TSKS: variants seen among roughly 807,000 people sequenced by gnomAD.
TSKS encodes the protein testis specific serine kinase substrate, also known as testis-specific serine kinase substrate.
TSKS carries 27 observed loss-of-function variants against 68.0 expected under a neutral mutation model. The ratio of observed to expected loss-of-function variants is 0.40; its 90% CI spans 0.29 to 0.55. TSKS has a LOEUF of 0.55. Among genes scored for constraint, TSKS ranks in the 20% least tolerant of loss-of-function variants. The pLI, the probability that TSKS is intolerant of heterozygous loss-of-function variation, is 0.53. For missense variants in TSKS, 806 were observed against 776.0 expected (o/e 1.04, Z -0.46); for synonymous variants, 331 against 340.4 (o/e 0.97, Z 0.30).
chr19:49,747,572 C>A (rs556838223), intron 4 of TSKS, 100 bp from the exon 5 acceptor site: 28 of 1,191,266 alleles, frequency 2.4e-5, no homozygotes, highest in Non-Finnish European at 3.1e-5. Flanking sequence ...GCCTCCTAGC[C>A]CCCCAGTACA....
chr19:49,749,785 G>A (rs1350691257), intron 2 of TSKS, among the ~76,000 whole-genome samples: 1 of 151,950 alleles, frequency 6.6e-6, no homozygotes, highest in African/African-American at 2.4e-5. Flanking sequence ...AAAATTTTAA[G>A]ATGTTTGGTA....
chr19:49,747,424 T>G lies in TSKS; in HGVS notation c.628A>C (p.Thr210Pro). ...GCAGAATTCTGCTTCAAGACGTTGG[T>G]TTTGATTTCAGCATCTTCCACAGAC... is the stretch of plus-strand genomic sequence containing the variant. ...TRSVEDAEIKTNVLKQNSALL... is the reference protein window; with the variant it reads ...TRSVEDAEIKPNVLKQNSALL... Residue 210 changes from threonine (T) to proline (P), a missense_variant, in exon 5 of 11, where the codon ACC becomes CCC. Coordinates refer to ENST00000246801, the MANE Select transcript of TSKS (RefSeq NM_021733.2). 2 of 1,614,194 alleles carry G rather than the reference T, an allele frequency of 1.2e-6. No homozygotes were observed. Among genetic ancestry groups the G allele is most frequent in the Non-Finnish European group, 1.7e-6 (2 of 1,180,034 alleles).
At chr19:49,740,470 C>T (rs1167181649) in intron 9 of TSKS, 1 of 411,548 alleles carries the variant, frequency 2.4e-6, no homozygotes, top group African/African-American at 2.0e-5. Context: ...CTCCTAAGCT[C>T]ATGAACTATC....
rs1230923327 is a variant in TSKS, at chr19:49,761,922, AC to A, written c.399+81del. 6 of 1,192,968 alleles carry A rather than the reference AC, an allele frequency of 5.0e-6. No homozygotes were observed. In the African/African-American group the frequency reaches 7.6e-5, roughly 15 times the overall value. The allele number at this position is 1,192,968 out of a possible 1,614,324, so 73.9% of individuals were successfully genotyped here. A position where few individuals can be genotyped will look rare whatever the true frequency, so the allele number is the denominator to read the frequency against. The stretch of plus-strand genomic sequence containing the variant: ...AACATTCTAACTCCAAGTCAAAAAC[AC>A]CCCACCCCCGTCCTAAGTATTTGCT... On this transcript the variant is annotated intron_variant, in intron 2 of 10. Coordinates refer to ENST00000246801, the MANE Select transcript of TSKS (RefSeq NM_021733.2).
intron 2 of TSKS, among the ~76,000 whole-genome samples, chr19:49,758,101 T>TC (rs2084408008): frequency 6.6e-6 from 1 of 150,628 alleles, no homozygotes; most frequent in Non-Finnish European, 1.5e-5. Flanking sequence ...CTCCTCTCTC[T>TC]TGGTCTCTGT....
intron 2 of TSKS, among the ~76,000 whole-genome samples, chr19:49,760,248 G>A (rs1401403478): frequency 6.6e-6 from 1 of 152,076 alleles, no homozygotes; most frequent in African/African-American, 2.4e-5. Flanking sequence ...GGAGGCTGAG[G>A]CCCAAAAATT....
Position 49,759,800 on chromosome 19 carries a change from A to G in TSKS, c.399+2204T>C, listed in dbSNP as rs112069642. Reference sequence around the variant, plus strand: ...CAGTGAGCTATTATCATGCCAGTGCACTCCAGCCTGGGCAATAGAGTGAGA... The same window carrying G: ...CAGTGAGCTATTATCATGCCAGTGCGCTCCAGCCTGGGCAATAGAGTGAGA... On this transcript the variant is annotated intron_variant, in intron 2 of 10. Coordinates refer to ENST00000246801, the MANE Select transcript of TSKS (RefSeq NM_021733.2). 5.9e-3 allele frequency among the ~76,000 whole-genome samples: 894 copies of G among 152,142 alleles called. 7 individuals are homozygous for G. Among genetic ancestry groups the G allele is most frequent in the African/African-American group, 0.021 (854 of 41,510 alleles).
chr19:49,754,989 C>T (rs1169409037), intron 2 of TSKS, among the ~76,000 whole-genome samples: 1 of 151,974 alleles, frequency 6.6e-6, no homozygotes, highest in Non-Finnish European at 1.5e-5. Context: ...GCCAGCTACT[C>T]GGGAGGCTGA....
chr19:49,753,462 T>C (rs2084367153), intron 2 of TSKS, among the ~76,000 whole-genome samples: 1 of 151,626 alleles, frequency 6.6e-6, no homozygotes, highest in African/African-American at 2.4e-5. Flanking sequence ...CTCGGGAAGC[T>C]GAGGCAGGAG....
Position 49,744,399 on chromosome 19 carries a change from T to G in TSKS, c.1193A>C (p.Glu398Ala). 4 of 1,613,466 alleles carry G rather than the reference T, an allele frequency of 2.5e-6. No homozygotes were observed. The highest frequency in any genetic ancestry group is 3.4e-6 in the Non-Finnish European group (4 of 1,179,506). The change falls in exon 8 of 11, where the codon GAG becomes GCG. Residue 398 changes from glutamate to alanine, a missense_variant. Coordinates refer to ENST00000246801, the MANE Select transcript of TSKS (RefSeq NM_021733.2). ...GRADELCTMV[E>A]RSAVSVASLR... is the part of the protein sequence containing the mutation. Reference sequence around the variant, plus strand: ...TGAAGCCACAGACACTGCTGACCGCTCCACCCTGAGGCATGAGTAACCAGT... The same window carrying G: ...TGAAGCCACAGACACTGCTGACCGCGCCACCCTGAGGCATGAGTAACCAGT...
chr19:49,739,969 C>T, intron 10 of TSKS, 37 bp from the exon 11 acceptor site: 1 of 1,607,956 alleles, frequency 6.2e-7, no homozygotes, highest in Non-Finnish European at 8.5e-7. Context: ...GGCGGCATGG[C>T]TAGGTGCTGG....
intron 6 of TSKS, among the ~76,000 whole-genome samples, chr19:49,746,141 C>T (rs571540749): frequency 6.6e-6 from 1 of 152,266 alleles, no homozygotes; most frequent in East Asian, 1.9e-4. Context: ...CAAGACGGCG[C>T]CACTGCACTC....
intron 3 of TSKS, 102 bp from the exon 4 acceptor site, chr19:49,748,270 A>G: frequency 6.4e-7 from 1 of 1,564,148 alleles, no homozygotes; most frequent in Non-Finnish European, 8.8e-7. Context: ...CTGAGCCTCA[A>G]GCTCCCCAAC....
intron 2 of TSKS, among the ~76,000 whole-genome samples, chr19:49,748,909 A>G (rs2084325547): frequency 6.6e-6 from 1 of 152,138 alleles, no homozygotes; most frequent in African/African-American, 2.4e-5. Flanking sequence ...TCTACTAAAA[A>G]TACAAAAATT....
At chr19:49,747,005 G>C in intron 5 of TSKS, 5 of 1,219,128 alleles carry the variant, frequency 4.1e-6, no homozygotes, top group Non-Finnish European at 5.6e-6. Flanking sequence ...ACCTCCCACA[G>C]CCTGCCTCCA....
chr19:49,747,309 T>A (rs1015192912), intron 5 of TSKS, 80 bp downstream of exon 5: 3 of 1,610,520 alleles, frequency 1.9e-6, no homozygotes, highest in Non-Finnish European at 2.5e-6. Flanking sequence ...GGGCAGGGAG[T>A]TCCACCTAAA....
At chr19:49,759,372 G>A (rs2084420639) in intron 2 of TSKS, among the ~76,000 whole-genome samples, 1 of 151,540 alleles carries the variant, frequency 6.6e-6, no homozygotes, top group Admixed American at 6.6e-5. Flanking sequence ...GGGAGGCTGA[G>A]GCAGAAGAAT....
At chr19:49,760,551 G>T (rs1267555536) in intron 2 of TSKS, among the ~76,000 whole-genome samples, 1 of 151,902 alleles carries the variant, frequency 6.6e-6, no homozygotes, top group East Asian at 1.9e-4. Context: ...TGGCCAGACT[G>T]GTCTCGAACT....
rs111407981 is a variant in TSKS, at chr19:49,752,017, T to C, written c.400-3548A>G. ...TGAACCTGGGAGGTGGATGTTGCAG[T>C]GAGCCGAGATTGCGCCACTGCACTC... On this transcript the variant is annotated intron_variant, in intron 2 of 10. Transcript: ENST00000246801. Among the ~76,000 whole-genome samples the C allele has an allele frequency of 2.7e-5, 4 of 150,916 alleles. 1 individual carries two copies. Among genetic ancestry groups the C allele is most frequent in the African/African-American group, 9.8e-5 (4 of 40,972 alleles).
Sources: allele counts gnomAD v4.1 joint callset (sites outside exome capture counted in the v4.1 genomes callset), GRCh38; gene constraint gnomAD v4.1.1; transcripts MANE v1.5; gene names NCBI Gene and HGNC (gene_info 2026-07-23, HGNC 2026-07-21).